The following UNC5D variants were observed in gnomAD, a reference collection of about 807,000 sequenced individuals.
The protein encoded by UNC5D is unc-5 netrin receptor D.
In UNC5D, 39 loss-of-function variants were observed where a neutral mutation model predicts 105.4. That is an observed-to-expected ratio of 0.37 (90% confidence interval 0.29 to 0.48). The LOEUF is 0.48. Among genes scored for constraint, UNC5D ranks in the 20% least tolerant of loss-of-function variants. UNC5D has a pLI of 0.98. For missense variants in UNC5D, 991 were observed against 1,202.4 expected (o/e 0.82, Z 2.60); for synonymous variants, 452 against 450.4 (o/e 1.00, Z -0.04).
At position 35,265,554 on chromosome 8, in the gene UNC5D, G is replaced by A. The variant is rs564346991; in HGVS notation, c.103+29667G>A. The stretch of plus-strand genomic sequence containing the variant: ...ATAGTTTGCTGACCCTTGCATTAGA[G>A]ACACATATAGAAATGCTTATAAAAA... On this transcript the variant is annotated intron_variant, in intron 1 of 16. Transcript: ENST00000404895. Among the ~76,000 whole-genome samples the A allele has an allele frequency of 5.3e-5, 8 of 152,166 alleles. 1 individual carries two copies. The East Asian group carries it at 1.5e-3, about 29-fold the overall frequency.
At chr8:35,497,671 G>A (rs554129365) in intron 1 of UNC5D, among the ~76,000 whole-genome samples, 2 of 152,066 alleles carry the variant, frequency 1.3e-5, no homozygotes, top group South Asian at 2.1e-4. Context: ...AAAAGACGGG[G>A]GAATAATTAT....
chr8:35,565,937 T>A (rs1817305851), intron 2 of UNC5D, among the ~76,000 whole-genome samples: 1 of 152,220 alleles, frequency 6.6e-6, no homozygotes, highest in Non-Finnish European at 1.5e-5. Context: ...CAACTCTGCC[T>A]TCTCCTGGCC....
rs868822436 is a variant in UNC5D, at chr8:35,489,954, T to C, written c.104-59338T>C. Among the ~76,000 whole-genome samples, 7 of 152,380 alleles carry C rather than the reference T, an allele frequency of 4.6e-5. 1 individual carries two copies. The highest frequency in any genetic ancestry group is 6.8e-3 in the Middle Eastern group (2 of 294). On this transcript the variant is annotated intron_variant, in intron 1 of 16. Coordinates refer to ENST00000404895, the MANE Select transcript of UNC5D (RefSeq NM_080872.4). Reference sequence around the variant, plus strand: ...TTTATTTTTTGGTCGAAGATGATTTTGTAGATTCTATGCTTAGTAAATATC... The same window carrying C: ...TTTATTTTTTGGTCGAAGATGATTTCGTAGATTCTATGCTTAGTAAATATC...
chr8:35,294,147 A>G (rs562225968), intron 1 of UNC5D, among the ~76,000 whole-genome samples: 1 of 152,332 alleles, frequency 6.6e-6, no homozygotes, highest in East Asian at 1.9e-4. Flanking sequence ...ATCAAGGCTC[A>G]GGAGTTAGCA....
At chr8:35,712,010 T>A (rs765159740) in intron 8 of UNC5D, among the ~76,000 whole-genome samples, 1 of 152,204 alleles carries the variant, frequency 6.6e-6, no homozygotes, top group Non-Finnish European at 1.5e-5. Context: ...AAATTGGCCA[T>A]GCCTGTAATC....
Position 35,454,258 on chromosome 8 carries a change from A to G in UNC5D, c.104-95034A>G, listed in dbSNP as rs73571849. On this transcript the variant is annotated intron_variant, in intron 1 of 16. Coordinates refer to ENST00000404895, the MANE Select transcript of UNC5D (RefSeq NM_080872.4). ...TTCCAGGTCTTAGAAAGCATGACAC[A>G]CAGGAACATACCAGAAGAGAACCAT... Among the ~76,000 whole-genome samples the G allele has an allele frequency of 2.8e-3, 422 of 152,280 alleles. 6 individuals are homozygous for G. The highest frequency in any genetic ancestry group is 9.5e-3 in the African/African-American group (393 of 41,566).
chr8:35,645,918 T>C lies in UNC5D; in HGVS notation c.571-37629T>C, dbSNP rs979458132. Among the ~76,000 whole-genome samples the C allele has an allele frequency of 4.0e-5, 6 of 150,246 alleles. No individual in the cohort carries two copies. The South Asian group carries it at 1.3e-3, about 31-fold the overall frequency. On this transcript the variant is annotated intron_variant, in intron 4 of 16. Coordinates refer to ENST00000404895, the MANE Select transcript of UNC5D (RefSeq NM_080872.4). ...GAAGTCTGTGTGTGTTCCTTTAGAT[T>C]ACACACACACACACACACTCCTTTA... is the stretch of plus-strand genomic sequence containing the variant.
At chr8:35,387,184 C>A (rs562333913) in intron 1 of UNC5D, among the ~76,000 whole-genome samples, 246 of 151,926 alleles carry the variant, frequency 1.6e-3, no homozygotes, top group African/African-American at 5.6e-3. Context: ...CATGGTGAAA[C>A]CCTGTCTCTA....
At chr8:35,450,604 T>C (rs910680222) in intron 1 of UNC5D, among the ~76,000 whole-genome samples, 1 of 152,198 alleles carries the variant, frequency 6.6e-6, no homozygotes, top group Non-Finnish European at 1.5e-5. Flanking sequence ...TTATAAAATA[T>C]ACTTCAAACA....
intron 1 of UNC5D, among the ~76,000 whole-genome samples, chr8:35,264,355 G>A (rs1415404572): frequency 2.4e-5 from 1 of 41,442 alleles, no homozygotes; most frequent in Non-Finnish European, 5.9e-5. Flanking sequence ...AATGTTTCAA[G>A]TATATAATAG....
intron 15 of UNC5D, among the ~76,000 whole-genome samples, chr8:35,771,374 G>A (rs1267929332): frequency 1.3e-5 from 2 of 152,152 alleles, no homozygotes; most frequent in African/African-American, 2.4e-5. Context: ...GATAAGCCAC[G>A]TCTTTGGCAT....
At chr8:35,391,651 A>G (rs922487061) in intron 1 of UNC5D, among the ~76,000 whole-genome samples, 1 of 152,190 alleles carries the variant, frequency 6.6e-6, no homozygotes, top group African/African-American at 2.4e-5. Context: ...CTTACGTAGT[A>G]GAGGAGAATC....
chr8:35,468,056 T>C (rs1244296360), intron 1 of UNC5D, among the ~76,000 whole-genome samples: 1 of 152,216 alleles, frequency 6.6e-6, no homozygotes, highest in Non-Finnish European at 1.5e-5. Context: ...TTTAAAATTA[T>C]TAAAGCAGAT....
rs1806619548 is a variant in UNC5D at position 35,431,329 on chromosome 8, T to A, written c.104-117963T>A. ...ACATCACCACCTGCACTGGTCATTT[T>A]GAAGAATGCATAATTTTACATGGAA... On this transcript the variant is annotated intron_variant, in intron 1 of 16. Transcript: ENST00000404895. Among the ~76,000 whole-genome samples, 3 of 152,322 alleles carry A rather than the reference T, an allele frequency of 2.0e-5. No homozygotes were observed. The South Asian group carries it at 6.2e-4, about 32-fold the overall frequency.
chr8:35,412,546 A>G (rs563079439), intron 1 of UNC5D, among the ~76,000 whole-genome samples: 3 of 152,002 alleles, frequency 2.0e-5, no homozygotes, highest in Admixed American at 1.3e-4. Context: ...TATGACCTCA[A>G]GCAGAATTCT....
rs750553 is a variant in UNC5D at position 35,608,197 on chromosome 8, A to T, written c.570+12540A>T. 3.3e-5 allele frequency among the ~76,000 whole-genome samples: 5 copies of T among 152,170 alleles called. No homozygotes were observed. The East Asian group carries it at 9.6e-4, about 29-fold the overall frequency. ...TATCACTTTTTTATTTTAAAAATGT[A>T]TATGCTTTTTGGAATAAATTTCAGA... On this transcript the variant is annotated intron_variant, in intron 4 of 16. Coordinates refer to ENST00000404895, the MANE Select transcript of UNC5D (RefSeq NM_080872.4).
At chr8:35,320,384 T>C (rs563246551) in intron 1 of UNC5D, among the ~76,000 whole-genome samples, 1 of 152,132 alleles carries the variant, frequency 6.6e-6, no homozygotes, top group South Asian at 2.1e-4. Flanking sequence ...TTCAGGTTCT[T>C]CCAAGGAGCC....
At chr8:35,308,136 G>GTGTGTGTA (rs1302764831) in intron 1 of UNC5D, among the ~76,000 whole-genome samples, 1 of 151,484 alleles carries the variant, frequency 6.6e-6, no homozygotes, top group Non-Finnish European at 1.5e-5. Flanking sequence ...GTGTGTGTGT[G>GTGTGTGTA]TGTGTGTGTG....
chr8:35,461,216 A>G (rs1043706096), intron 1 of UNC5D, among the ~76,000 whole-genome samples: 1 of 152,174 alleles, frequency 6.6e-6, no homozygotes, highest in Admixed American at 6.6e-5. Flanking sequence ...TGAGTTGGTT[A>G]GGGAACGGAC....
Sources: allele counts gnomAD v4.1 joint callset (sites outside exome capture counted in the v4.1 genomes callset), GRCh38; gene constraint gnomAD v4.1.1; transcripts MANE v1.5; gene names NCBI Gene and HGNC (gene_info 2026-07-23, HGNC 2026-07-21).